The following PLD5 variants were observed in gnomAD, a reference collection of about 807,000 sequenced individuals.
The protein encoded by PLD5 is inactive phospholipase D5.
A neutral mutation model predicts 61.1 loss-of-function variants in PLD5; 36 were observed. That is an observed-to-expected ratio of 0.59 (90% CI 0.45 to 0.78). PLD5 has a LOEUF of 0.78. Ranked by LOEUF, PLD5 falls within the 30% of genes least tolerant of loss-of-function variation. PLD5 has a pLI of 0.00. For missense variants in PLD5, 515 were observed against 644.4 expected, an observed-to-expected ratio of 0.80 and a Z score of 2.17; for synonymous variants, 243 against 242.8, an observed-to-expected ratio of 1.00 and a Z score of -0.01.
intron 1 of PLD5, among the ~76,000 whole-genome samples, chr1:242,514,065 G>A (rs1460429428): frequency 1.3e-5 from 2 of 152,132 alleles, no homozygotes; most frequent in African/African-American, 4.8e-5. Flanking sequence ...AACACTGCAT[G>A]CCACCACATT....
intron 1 of PLD5, among the ~76,000 whole-genome samples, chr1:242,447,966 A>G (rs991449112): frequency 6.6e-6 from 1 of 152,252 alleles, no homozygotes; most frequent in African/African-American, 2.4e-5. Context: ...TTCTGCCTCA[A>G]GCATTCAGGC....
At chr1:242,473,671 A>G (rs563760994) in intron 1 of PLD5, among the ~76,000 whole-genome samples, 1 of 152,358 alleles carries the variant, frequency 6.6e-6, no homozygotes, top group South Asian at 2.1e-4. Context: ...ACTAAAAGCC[A>G]TAGATTAGCT....
At chr1:242,300,866 G>A (rs1675999817) in intron 2 of PLD5, among the ~76,000 whole-genome samples, 1 of 152,156 alleles carries the variant, frequency 6.6e-6, no homozygotes, top group African/African-American at 2.4e-5. Context: ...GGGAAAAGTG[G>A]AGAGATATGG....
rs1047015446 is a variant in PLD5 at position 242,085,952 on chromosome 1, T to C, written c.*3902A>G. ...GGATCTGATCTTATCAAGAAATTCT[T>C]ATGGTCTTTTCTCCCCCCTTGGAAT... On this transcript the variant is annotated 3_prime_UTR_variant, in exon 10 of 10. Transcript: ENST00000536534. 4 of 152,226 alleles carry C rather than the reference T, an allele frequency of 2.6e-5. No individual in the cohort carries two copies. The highest frequency in any genetic ancestry group is 5.9e-5 in the Non-Finnish European group (4 of 68,020). The allele number at this position is 152,226 out of a possible 1,614,324, so 9.4% of individuals were successfully genotyped here.
chr1:242,175,855 A>AAAGAGAAT (rs1667104664), intron 5 of PLD5, among the ~76,000 whole-genome samples: 1 of 150,990 alleles, frequency 6.6e-6, no homozygotes, highest in Non-Finnish European at 1.5e-5. Context: ...TGCAATTGCT[A>AAAGAGAAT]CTAATGGAAT....
At chr1:242,294,092 C>G (rs555847781) in intron 2 of PLD5, among the ~76,000 whole-genome samples, 1 of 152,224 alleles carries the variant, frequency 6.6e-6, no homozygotes, top group South Asian at 2.1e-4. Context: ...CCTGGAATAC[C>G]TATTTGCCAT....
Position 242,256,898 on chromosome 1 carries a change from TTTC to T in PLD5, c.607+8436_607+8438del, listed in dbSNP as rs199668106. Among the ~76,000 whole-genome samples the T allele has an allele frequency of 0.091, 11,652 of 127,406 alleles. 481 individuals are homozygous for T. The highest frequency in any genetic ancestry group is 0.12 in the East Asian group (425 of 3,634). The allele number at this position is 127,406 out of a possible 152,430, so 83.6% of individuals were successfully genotyped here. On this transcript the variant is annotated intron_variant, in intron 4 of 9. Coordinates refer to ENST00000536534, the MANE Select transcript of PLD5 (RefSeq NM_001372062.1). This position sits in a 1 kb window ranked among gnomAD's most constrained non-coding sequence, Gnocchi z 5.7. The stretch of plus-strand genomic sequence containing the variant: ...TTCTTTTCTCTCCCTCTTCTTTCTC[TTTC>T]TTTTTTCATCTATCTATCTATCTAT...
In PLD5 at chr1:242,089,495, T is replaced by C; in HGVS notation, c.*359A>G. ...TCTAAATCAACAGTTCTCAGAATGG[T>C]GTTAAAGAGCCCACCTCATGCTAAG... On this transcript the variant is annotated 3_prime_UTR_variant, in exon 10 of 10. Coordinates refer to ENST00000536534, the MANE Select transcript of PLD5 (RefSeq NM_001372062.1). The C allele has an allele frequency of 2.1e-6, 1 of 479,142 alleles. No homozygotes were observed. Among genetic ancestry groups the C allele is most frequent in the East Asian group, 3.1e-5 (1 of 32,282 alleles). 29.7% of individuals were successfully genotyped at this position (479,142 alleles called of 1,614,324 possible). A position where few individuals can be genotyped will look rare whatever the true frequency, so the allele number is the denominator to read the frequency against.
intron 1 of PLD5, among the ~76,000 whole-genome samples, chr1:242,373,109 A>G (rs761806580): frequency 9.7e-4 from 148 of 152,202 alleles, no homozygotes; most frequent in Non-Finnish European, 1.7e-3. Context: ...AAAAAACAAC[A>G]ACCCCATCAA....
At chr1:242,205,856 G>A (rs1031211987) in intron 5 of PLD5, among the ~76,000 whole-genome samples, 2 of 152,148 alleles carry the variant, frequency 1.3e-5, no homozygotes, top group Admixed American at 6.6e-5. Flanking sequence ...AACTTCCTCA[G>A]TCCTTTGTTC....
chr1:242,137,245 G>A (rs1026041229), intron 5 of PLD5, among the ~76,000 whole-genome samples: 5 of 152,198 alleles, frequency 3.3e-5, no homozygotes, highest in African/African-American at 4.8e-5. Flanking sequence ...ATTACTGTAC[G>A]AAGCCCTCTC....
intron 1 of PLD5, among the ~76,000 whole-genome samples, chr1:242,522,729 T>G (rs1669318469): frequency 6.6e-6 from 1 of 152,180 alleles, no homozygotes; most frequent in Non-Finnish European, 1.5e-5. Flanking sequence ...GCCCCTTCAC[T>G]AATTCTGGAG....
Position 242,288,410 on chromosome 1 carries a change from T to C in PLD5, c.447A>G (p.Ile149Met), listed in dbSNP as rs1426369111. The part of the protein sequence containing the change: ...LLNMAKKSVD[I>M]VSSHWDLNHT... The stretch of plus-strand genomic sequence containing the variant: ...GGTTGAGATCCCAATGGGAAGACAC[T>C]ATGTCAACAGACTTTTTGGCCATGT... The change falls in exon 3 of 10, where the codon ATA becomes ATG. Residue 149 changes from isoleucine (I) to methionine (M), a missense_variant. Physicochemically the swap from Ile to Met is conservative, Grantham distance 10 (BLOSUM62 1). Transcript: ENST00000536534. 1 of 1,613,102 alleles carries C rather than the reference T, an allele frequency of 6.2e-7. No individual in the cohort carries two copies. The highest frequency in any genetic ancestry group is 1.1e-5 in the South Asian group (1 of 90,760).
At chr1:242,421,459 A>G (rs1185953595) in intron 1 of PLD5, among the ~76,000 whole-genome samples, 1 of 152,192 alleles carries the variant, frequency 6.6e-6, no homozygotes, top group Non-Finnish European at 1.5e-5. Context: ...TGAACCTTGT[A>G]ATCACAACAA....
chr1:242,270,419 C>T (rs1227849903), intron 3 of PLD5, among the ~76,000 whole-genome samples: 1 of 152,158 alleles, frequency 6.6e-6, no homozygotes. Context: ...TGCTGATGAC[C>T]ACATGGCTTG....
intron 4 of PLD5, among the ~76,000 whole-genome samples, chr1:242,236,283 A>G (rs1671637215): frequency 6.6e-6 from 1 of 152,210 alleles, no homozygotes; most frequent in Non-Finnish European, 1.5e-5. Context: ...GTATTTTGCT[A>G]TAGCAGCCTG....
intron 9 of PLD5, among the ~76,000 whole-genome samples, chr1:242,091,817 T>C (rs1383247974): frequency 1.8e-5 from 2 of 111,568 alleles, no homozygotes; most frequent in Non-Finnish European, 3.7e-5. Flanking sequence ...TCTTTTTCTT[T>C]TCTTTTCTTT....
chr1:242,446,735 G>A (rs1349620592), intron 1 of PLD5, among the ~76,000 whole-genome samples: 1 of 152,204 alleles, frequency 6.6e-6, no homozygotes, highest in South Asian at 2.1e-4. Context: ...ACTAAAACAG[G>A]TGACATCGGG....
chr1:242,499,047 C>T (rs2134684), intron 1 of PLD5, among the ~76,000 whole-genome samples: 3,411 of 152,164 alleles, frequency 0.022, 130 homozygotes, highest in African/African-American at 0.078. Flanking sequence ...TGGACAAAAA[C>T]GTTTTTACAA....
Sources: allele counts gnomAD v4.1 joint callset (sites outside exome capture counted in the v4.1 genomes callset), GRCh38; gene constraint gnomAD v4.1.1; non-coding constraint Gnocchi (gnomAD v3.1); transcripts MANE v1.5; gene names NCBI Gene and HGNC (gene_info 2026-07-23, HGNC 2026-07-21).